AFG2B: variants seen among roughly 807,000 people sequenced by gnomAD.
AFG2B encodes the protein AAA ATPase AFG2B.
At chr15:45,418,761 A>T in the AFG2B span, 20 of 1,553,280 alleles carry the variant, frequency 1.3e-5, no homozygotes, top group Admixed American at 1.1e-4. Context: ...AGCAGTATTT[A>T]CTAAAAGCCT....
At chr15:45,416,759 G>A in the AFG2B span, 1 of 152,866 alleles carries the variant, frequency 6.5e-6, no homozygotes, top group African/African-American at 2.4e-5. Context: ...GCCTTTCTCT[G>A]TCTGCTTTTA....
chr15:45,420,448 T>G, the AFG2B span, among the ~76,000 whole-genome samples: 1 of 152,196 alleles, frequency 6.6e-6, no homozygotes. Flanking sequence ...AGGAAGATAT[T>G]CTCTCATCTT....
chr15:45,412,106 C>A, the AFG2B span, among the ~76,000 whole-genome samples: 11 of 148,110 alleles, frequency 7.4e-5, no homozygotes, highest in Admixed American at 4.7e-4. Flanking sequence ...CTCAAAAAAA[C>A]AAAAACAATT....
the AFG2B span, among the ~76,000 whole-genome samples, chr15:45,407,509 A>G: frequency 1.3e-5 from 2 of 152,268 alleles, no homozygotes; most frequent in African/African-American, 4.8e-5. Context: ...ATATTTGGAC[A>G]TCAGACACCT....
At chr15:45,410,813 T>C in the AFG2B span, among the ~76,000 whole-genome samples, 3 of 152,190 alleles carry the variant, frequency 2.0e-5, no homozygotes, top group African/African-American at 4.8e-5. Context: ...CCCAGCACTT[T>C]GGGAGGCCAA....
chr15:45,416,246 C>G, the AFG2B span, among the ~76,000 whole-genome samples: 1 of 152,138 alleles, frequency 6.6e-6, no homozygotes, highest in South Asian at 2.1e-4. Flanking sequence ...GCCAACATAG[C>G]AAGGCCCCAT....
At chr15:45,407,173 G>A in the AFG2B span, 1 of 1,271,542 alleles carries the variant, frequency 7.9e-7, no homozygotes. Flanking sequence ...CAACCCAGGG[G>A]AAGTGGAAGG....
At chr15:45,414,763 G>A in the AFG2B span, 1 of 1,613,820 alleles carries the variant, frequency 6.2e-7, no homozygotes, top group Non-Finnish European at 8.5e-7. Context: ...TGGAGATTCA[G>A]AAAAAGTGTT....
At chr15:45,405,204 C>G in the AFG2B span, 1 of 1,005,850 alleles carries the variant, frequency 9.9e-7, no homozygotes, top group South Asian at 1.8e-5. Flanking sequence ...CAACCCTTCC[C>G]AGTGTCTGGT....
At chr15:45,419,466 G>GAA in the AFG2B span, among the ~76,000 whole-genome samples, 1 of 138,948 alleles carries the variant, frequency 7.2e-6, no homozygotes, top group African/African-American at 2.6e-5. Flanking sequence ...TGTCTCTTAG[G>GAA]AAAAAAAAAA....
the AFG2B span, chr15:45,421,150 C>T: frequency 6.2e-7 from 1 of 1,611,508 alleles, no homozygotes; most frequent in South Asian, 1.1e-5. Flanking sequence ...GTTGCAAGGA[C>T]TTGGCTTTAT....
At chr15:45,405,417 T>C in the AFG2B span, 2 of 1,614,228 alleles carry the variant, frequency 1.2e-6, no homozygotes, top group East Asian at 4.5e-5. Flanking sequence ...TTGGGCCTTC[T>C]TGCAGAAATG....
At chr15:45,407,254 A>C in the AFG2B span, 1 of 1,174,644 alleles carries the variant, frequency 8.5e-7, no homozygotes, top group South Asian at 1.6e-5. Context: ...TCTTTCCCCC[A>C]CCAGCTGAGG....
the AFG2B span, chr15:45,416,837 C>T: frequency 6.5e-6 from 1 of 152,920 alleles, no homozygotes; most frequent in Non-Finnish European, 1.5e-5. Context: ...AATAAAAGGT[C>T]GAGTAAATCT....
the AFG2B span, among the ~76,000 whole-genome samples, chr15:45,405,814 A>G: frequency 6.6e-6 from 1 of 152,090 alleles, no homozygotes; most frequent in African/African-American, 2.4e-5. Context: ...TTTTAATTTG[A>G]ATTTTTTTAT....
the AFG2B span, among the ~76,000 whole-genome samples, chr15:45,412,817 G>C: frequency 1.3e-5 from 2 of 152,270 alleles, no homozygotes; most frequent in Admixed American, 1.3e-4. Flanking sequence ...CACAGTGGAA[G>C]CTGTGGGACG....
the AFG2B span, among the ~76,000 whole-genome samples, chr15:45,414,333 C>T: frequency 3.9e-5 from 6 of 152,144 alleles, no homozygotes; most frequent in East Asian, 3.9e-4. Flanking sequence ...TCAGCTGTGG[C>T]GAGTAAGGAG....
the AFG2B span, chr15:45,403,488 G>C: frequency 6.2e-7 from 1 of 1,606,160 alleles, no homozygotes; most frequent in Non-Finnish European, 8.5e-7. Flanking sequence ...TAGACCCAGC[G>C]CTGCGTAGGC....
chr15:45,419,997 CAAAA>C, the AFG2B span, among the ~76,000 whole-genome samples: 3,999 of 51,164 alleles, frequency 0.078, 347 homozygotes, highest in East Asian at 0.48. Context: ...CCCCCCCCCC[CAAAA>C]AAAAAAAAAA....
Sources: gnomAD v4.1 joint callset for allele counts (sites outside exome capture counted in the v4.1 genomes callset) on GRCh38, gnomAD v4.1.1 for gene constraint, MANE v1.5 for transcripts, NCBI Gene and HGNC (gene_info 2026-07-23, HGNC 2026-07-21) for gene names.